Variants in MAN1A2 observed in about 807,000 individuals in gnomAD.
MAN1A2 encodes the protein mannosidase alpha class 1A member 2.
In MAN1A2, 26 loss-of-function variants were observed where a neutral mutation model predicts 75.7. The observed-to-expected ratio is 0.34, with a 90% CI of 0.25 to 0.48. The LOEUF is 0.48. Ranked by LOEUF, MAN1A2 falls within the 20% of genes least tolerant of loss-of-function variation. MAN1A2 has a pLI of 0.99. For missense variants in MAN1A2, 562 were observed against 775.5 expected (o/e 0.72, Z 3.27); for synonymous variants, 247 against 264.6 (o/e 0.93, Z 0.65).
At chr1:117,466,132 TAATG>T (rs909497117) in intron 7 of MAN1A2, among the ~76,000 whole-genome samples, 198 bp from the exon 8 acceptor site, 2 of 152,112 alleles carry the variant, frequency 1.3e-5, no homozygotes, top group Non-Finnish European at 2.9e-5. Context: ...GATTTTAAAA[TAATG>T]AACACATATC....
intron 5 of MAN1A2, among the ~76,000 whole-genome samples, chr1:117,439,306 G>T (rs890404930): frequency 2.2e-4 from 34 of 152,172 alleles, no homozygotes; most frequent in Non-Finnish European, 3.5e-4. Context: ...CCATTTGAGG[G>T]TTCTAAACTG....
In MAN1A2 at chr1:117,493,255, C is replaced by T; in HGVS notation, c.1277C>T (p.Ala426Val). The T allele has an allele frequency of 6.3e-7, 1 of 1,594,240 alleles. No homozygotes were observed. The highest frequency in any genetic ancestry group is 8.6e-7 in the Non-Finnish European group (1 of 1,162,830). ...DHEARKMYDDAIEAIEKHLIK... is the reference protein window; with the variant it reads ...DHEARKMYDDVIEAIEKHLIK... ...GAGGCAAGAAAGATGTATGATGATG[C>T]TATTGAGGTGATTATTTCCAGAACA... The change falls in exon 9 of 13, where the codon GCT becomes GTT. Residue 426 changes from alanine (A) to valine (V), a missense_variant. Physicochemically the swap from Ala to Val is moderately conservative, Grantham distance 64 (BLOSUM62 0). Transcript: ENST00000356554.
At chr1:117,491,963 G>A (rs1448128207) in intron 8 of MAN1A2, among the ~76,000 whole-genome samples, 1 of 152,064 alleles carries the variant, frequency 6.6e-6, no homozygotes, top group Non-Finnish European at 1.5e-5. Flanking sequence ...AATGGATGAG[G>A]AGTTGCTTCT....
intron 8 of MAN1A2, among the ~76,000 whole-genome samples, chr1:117,470,789 A>G (rs926896556): frequency 1.3e-5 from 2 of 151,978 alleles, no homozygotes; most frequent in Non-Finnish European, 2.9e-5. Flanking sequence ...TCTTTGAGCT[A>G]TATGCATCTG....
intron 1 of MAN1A2, among the ~76,000 whole-genome samples, chr1:117,399,116 G>A (rs1265312188): frequency 6.6e-6 from 1 of 152,150 alleles, no homozygotes; most frequent in Non-Finnish European, 1.5e-5. Context: ...GAACTTCTCA[G>A]GGCTTTTAAA....
At chr1:117,495,004 G>A (rs967096665) in intron 9 of MAN1A2, 1 of 151,032 alleles carries the variant, frequency 6.6e-6, no homozygotes, top group East Asian at 1.9e-4. Flanking sequence ...AATTTTGTCT[G>A]TTTTCTTGTA....
chr1:117,429,845 C>T (rs1247572203), intron 5 of MAN1A2, among the ~76,000 whole-genome samples: 1 of 71,484 alleles, frequency 1.4e-5, no homozygotes. Flanking sequence ...GGGCGGCTGG[C>T]CGGGCGGGGG....
At position 117,445,868 on chromosome 1, in the gene MAN1A2, G is replaced by GTATATATATA. The variant is rs1256464203; in HGVS notation, c.950+3544_950+3545insATATATATAT. 3.8e-4 allele frequency among the ~76,000 whole-genome samples: 36 copies of GTATATATATA among 94,166 alleles called. 1 individual carries two copies. Among genetic ancestry groups the GTATATATATA allele is most frequent in the South Asian group, 1.8e-3 (6 of 3,348 alleles). The allele number at this position is 94,166 out of a possible 152,430, so 61.8% of individuals were successfully genotyped here. On this transcript the variant is annotated intron_variant, in intron 6 of 12. Coordinates refer to ENST00000356554, the MANE Select transcript of MAN1A2 (RefSeq NM_006699.5). The stretch of plus-strand genomic sequence containing the variant: ...TGTGTGTGTGTGTGTGTATGTGTGT[G>GTATATATATA]TGTGTCTGTGTGTGTGTATATATAT...
intron 8 of MAN1A2, among the ~76,000 whole-genome samples, chr1:117,490,286 G>A (rs1238147885): frequency 2.0e-5 from 3 of 151,750 alleles, no homozygotes; most frequent in Non-Finnish European, 2.9e-5. Flanking sequence ...GCATGTGTTC[G>A]CTTTGTGTCT....
intron 4 of MAN1A2, among the ~76,000 whole-genome samples, chr1:117,416,780 G>A (rs1648007036): frequency 6.6e-6 from 1 of 152,150 alleles, no homozygotes; most frequent in Admixed American, 6.5e-5. Flanking sequence ...CTATGGAACT[G>A]GTACCTGTGC....
intron 1 of MAN1A2, among the ~76,000 whole-genome samples, chr1:117,383,219 A>G (rs1342236955): frequency 6.6e-6 from 1 of 152,056 alleles, no homozygotes; most frequent in African/African-American, 2.4e-5. Flanking sequence ...TATTTTTAGT[A>G]TGAGCATAAG....
intron 6 of MAN1A2, among the ~76,000 whole-genome samples, chr1:117,445,878 G>GCGTATA (rs1649214235): frequency 1.0e-5 from 1 of 99,380 alleles, no homozygotes; most frequent in Non-Finnish European, 2.1e-5. Flanking sequence ...GTGTGTCTGT[G>GCGTATA]TGTGTGTATA....
At chr1:117,373,052 G>T (rs1233888074) in intron 1 of MAN1A2, among the ~76,000 whole-genome samples, 1 of 152,146 alleles carries the variant, frequency 6.6e-6, no homozygotes, top group Non-Finnish European at 1.5e-5. Flanking sequence ...CAGTACCATA[G>T]CCACTAGTTA....
chr1:117,489,456 C>T (rs1650811487), intron 8 of MAN1A2, among the ~76,000 whole-genome samples: 1 of 151,974 alleles, frequency 6.6e-6, no homozygotes, highest in South Asian at 2.1e-4. Flanking sequence ...GGCATCCTTT[C>T]TTATGTTAAT....
intron 8 of MAN1A2, among the ~76,000 whole-genome samples, chr1:117,472,135 G>A (rs1398995023): frequency 6.6e-6 from 1 of 151,692 alleles, no homozygotes; most frequent in East Asian, 1.9e-4. Context: ...GACTATTTCT[G>A]AAATATTCGT....
chr1:117,399,620 TA>T (rs1647343052), intron 1 of MAN1A2, among the ~76,000 whole-genome samples: 1 of 152,174 alleles, frequency 6.6e-6, no homozygotes. Context: ...GCCGTGGTGG[TA>T]ACTCATGATA....
chr1:117,423,527 G>C (rs1403341527), intron 5 of MAN1A2, among the ~76,000 whole-genome samples: 1 of 151,078 alleles, frequency 6.6e-6, no homozygotes, highest in Non-Finnish European at 1.5e-5. Context: ...TTTTTTTATT[G>C]GTGTTTCTAC....
chr1:117,367,783 C>G lies in MAN1A2; in HGVS notation c.-401C>G, dbSNP rs766203940. 5.8e-6 allele frequency: 1 copy of G among 173,000 alleles called. No homozygotes were observed. Among genetic ancestry groups the G allele is most frequent in the Non-Finnish European group, 1.2e-5 (1 of 81,822 alleles). 10.7% of individuals were successfully genotyped at this position (173,000 alleles called of 1,614,324 possible). On this transcript the variant is annotated 5_prime_UTR_variant, in exon 1 of 13. Transcript: ENST00000356554. ...AGATCAAGTGAACCTTCTACAACTC[C>G]TCGGATGTCGCCAGTCTCCCTTTCG...
At chr1:117,516,046 C>T (rs1192608998) in intron 12 of MAN1A2, 1 of 152,082 alleles carries the variant, frequency 6.6e-6, no homozygotes, top group Non-Finnish European at 1.5e-5. Context: ...CCCCTTCAAT[C>T]CAACTTTTCC....
Sources: gnomAD v4.1 joint callset for allele counts (sites outside exome capture counted in the v4.1 genomes callset) on GRCh38, gnomAD v4.1.1 for gene constraint, MANE v1.5 for transcripts, NCBI Gene and HGNC (gene_info 2026-07-23, HGNC 2026-07-21) for gene names.